LARGE1: variants seen among roughly 807,000 people sequenced by gnomAD.
LARGE1 encodes LARGE xylosyl- and glucuronyltransferase 1.
In LARGE1, 43 loss-of-function variants were observed where a neutral mutation model predicts 87.6. The ratio of observed to expected loss-of-function variants is 0.49; its 90% CI spans 0.38 to 0.63. The LOEUF is 0.63. Ranked by LOEUF, LARGE1 falls within the 30% of genes least tolerant of loss-of-function variation. The pLI is 0.00. For missense variants in LARGE1, 802 were observed against 1,000.2 expected (o/e 0.80, Z 2.67); for synonymous variants, 434 against 394.6 (o/e 1.10, Z -1.18).
At chr22:33,286,983 C>T (rs1354495684) in intron 12 of LARGE1, among the ~76,000 whole-genome samples, 1 of 151,372 alleles carries the variant, frequency 6.6e-6, no homozygotes, top group East Asian at 1.9e-4. Context: ...TTGACCCAGG[C>T]TGAGCACATC....
chr22:33,408,232 G>A (rs1334225573), intron 7 of LARGE1, among the ~76,000 whole-genome samples: 1 of 151,966 alleles, frequency 6.6e-6, no homozygotes, highest in African/African-American at 2.4e-5. Context: ...TGATCTACCC[G>A]CCTCGGCCCC....
chr22:33,125,030 G>C, the LARGE1 span, among the ~76,000 whole-genome samples: 1 of 152,220 alleles, frequency 6.6e-6, no homozygotes, highest in African/African-American at 2.4e-5. Flanking sequence ...TTAAGAGGCA[G>C]TTCTACTCAG....
intron 4 of LARGE1, among the ~76,000 whole-genome samples, chr22:33,605,739 A>G (rs2079234998): frequency 6.6e-6 from 1 of 152,230 alleles, no homozygotes; most frequent in Non-Finnish European, 1.5e-5. Context: ...TGTGGGAAAT[A>G]CAAAGATGAG....
At chr22:33,502,492 T>C (rs530565944) in intron 6 of LARGE1, among the ~76,000 whole-genome samples, 1 of 151,816 alleles carries the variant, frequency 6.6e-6, no homozygotes, top group East Asian at 1.9e-4. Flanking sequence ...CAAGAAGGAG[T>C]GGAGGCCTGC....
At chr22:33,419,917 C>T (rs1404650989) in intron 7 of LARGE1, among the ~76,000 whole-genome samples, 1 of 152,160 alleles carries the variant, frequency 6.6e-6, no homozygotes, top group Non-Finnish European at 1.5e-5. Context: ...TGGTCTCGAA[C>T]TCCTGACCTC....
At chr22:33,549,464 G>T (rs1040808781) in intron 6 of LARGE1, among the ~76,000 whole-genome samples, 2 of 152,168 alleles carry the variant, frequency 1.3e-5, no homozygotes, top group African/African-American at 4.8e-5. Context: ...GCCCTTTTGT[G>T]GATGTGAATG....
chr22:33,260,174 C>T (rs546346510), intron 11 of LARGE1, among the ~76,000 whole-genome samples: 1 of 152,312 alleles, frequency 6.6e-6, no homozygotes, highest in East Asian at 1.9e-4. Context: ...AGCCTCTTGC[C>T]CACATTTTCT....
intron 3 of LARGE1, among the ~76,000 whole-genome samples, chr22:33,630,750 A>G (rs2080084004): frequency 6.6e-6 from 1 of 152,226 alleles, no homozygotes; most frequent in South Asian, 2.1e-4. Context: ...AACATGGTAC[A>G]CTTAGACTAT....
intron 9 of LARGE1, among the ~76,000 whole-genome samples, chr22:33,372,154 T>C (rs1295068987): frequency 1.3e-5 from 2 of 152,096 alleles, no homozygotes; most frequent in African/African-American, 2.4e-5. Flanking sequence ...TAAGAACAAA[T>C]TGCTGAACAT....
At chr22:33,178,542 A>G (rs1001253499) in intron 11 of LARGE1, among the ~76,000 whole-genome samples, 6 of 152,230 alleles carry the variant, frequency 3.9e-5, no homozygotes, top group Non-Finnish European at 7.3e-5. Context: ...ATGGAGTCCA[A>G]AGTGAACCCA....
chr22:33,505,759 T>A (rs1387859937), intron 6 of LARGE1, among the ~76,000 whole-genome samples: 1 of 152,150 alleles, frequency 6.6e-6, no homozygotes, highest in Non-Finnish European at 1.5e-5. Context: ...CTTTCAGGAT[T>A]CCTTGTCGTG....
intron 6 of LARGE1, among the ~76,000 whole-genome samples, chr22:33,511,986 C>G (rs1192307835): frequency 6.6e-6 from 1 of 152,112 alleles, no homozygotes; most frequent in South Asian, 2.1e-4. Flanking sequence ...GTAGGTTGAC[C>G]ATACAGTTGT....
At chr22:33,245,304 G>T (rs1338586999) in intron 11 of LARGE1, among the ~76,000 whole-genome samples, 1 of 152,162 alleles carries the variant, frequency 6.6e-6, no homozygotes, top group Non-Finnish European at 1.5e-5. Flanking sequence ...CTCTCTCGTG[G>T]AGCTTTCCTG....
At chr22:33,887,332 C>T (rs1168539614) in intron 1 of LARGE1, among the ~76,000 whole-genome samples, 2 of 152,196 alleles carry the variant, frequency 1.3e-5, no homozygotes, top group Non-Finnish European at 2.9e-5. Flanking sequence ...CACGTAAGGA[C>T]GCAATGAGAA....
At chr22:33,406,323 G>A (rs551357131) in intron 7 of LARGE1, among the ~76,000 whole-genome samples, 4 of 152,050 alleles carry the variant, frequency 2.6e-5, no homozygotes, top group African/African-American at 9.6e-5. Flanking sequence ...AACATTCTGC[G>A]CAGTCCCATC....
At chr22:33,729,155 T>G (rs1465916929) in intron 2 of LARGE1, among the ~76,000 whole-genome samples, 1 of 152,100 alleles carries the variant, frequency 6.6e-6, no homozygotes, top group African/African-American at 2.4e-5. Context: ...TCCCCCAAAA[T>G]GAGTTAACTT....
At chr22:33,206,416 T>C (rs1924689449) in intron 11 of LARGE1, among the ~76,000 whole-genome samples, 1 of 152,146 alleles carries the variant, frequency 6.6e-6, no homozygotes, top group Non-Finnish European at 1.5e-5. Flanking sequence ...TTTTTTTCCA[T>C]TTTGCCATGC....
intron 1 of LARGE1, among the ~76,000 whole-genome samples, chr22:33,778,401 C>T (rs1273007998): frequency 1.3e-5 from 2 of 152,174 alleles, no homozygotes; most frequent in Admixed American, 6.5e-5. Context: ...AGTACATTCA[C>T]GATGTTGAGC....
chr22:33,798,115 T>C (rs1005388548), intron 1 of LARGE1, among the ~76,000 whole-genome samples: 1 of 151,992 alleles, frequency 6.6e-6, no homozygotes, highest in African/African-American at 2.4e-5. Context: ...TCTACTGAAA[T>C]AGCCGTCTCT....
Sources: gnomAD v4.1 joint callset for allele counts (sites outside exome capture counted in the v4.1 genomes callset) on GRCh38, gnomAD v4.1.1 for gene constraint, MANE v1.5 for transcripts, NCBI Gene and HGNC (gene_info 2026-07-23, HGNC 2026-07-21) for gene names.